ZDHHC15: variants seen among roughly 807,000 people sequenced by gnomAD.
ZDHHC15 encodes zDHHC palmitoyltransferase 15.
A neutral mutation model predicts 31.7 loss-of-function variants in ZDHHC15; 19 were observed. The observed-to-expected ratio is 0.60, with a 90% CI of 0.42 to 0.88. The LOEUF is 0.88. ZDHHC15 is among the 40% of genes least tolerant of loss of function. ZDHHC15 has a pLI of 0.00. For missense variants in ZDHHC15, 209 were observed against 251.2 expected (o/e 0.83, Z 1.14); for synonymous variants, 103 against 90.0 (o/e 1.14, Z -0.82).
At chrX:75,410,944 G>A (rs1174106861) in intron 10 of ZDHHC15, among the ~76,000 whole-genome samples, 1 of 111,901 alleles carries the variant, frequency 8.9e-6, no homozygotes, top group African/African-American at 3.2e-5. Flanking sequence ...GCAGCAACAT[G>A]GATGGAACTG....
At chrX:75,510,634 G>T (rs2148058701) in intron 1 of ZDHHC15, among the ~76,000 whole-genome samples, 1 of 90,841 alleles carries the variant, frequency 1.1e-5, no homozygotes, top group Non-Finnish European at 2.1e-5. Context: ...GTGCAGGTTA[G>T]TTACATATGT....
At chrX:75,479,802 G>A (rs759831507) in intron 2 of ZDHHC15, among the ~76,000 whole-genome samples, 37 of 111,575 alleles carry the variant, frequency 3.3e-4, no homozygotes, top group Non-Finnish European at 7.0e-4. Context: ...TTAAGATAAT[G>A]GCCTCCAGTT....
intron 10 of ZDHHC15, among the ~76,000 whole-genome samples, chrX:75,407,972 G>A (rs745854675): frequency 2.6e-3 from 287 of 110,490 alleles, no homozygotes; most frequent in South Asian, 0.016. Context: ...GATTAAGGGC[G>A]GTGCAAGATG....
chrX:75,434,027 C>A (rs1430294832), intron 4 of ZDHHC15, among the ~76,000 whole-genome samples: 1 of 111,523 alleles, frequency 9.0e-6, no homozygotes, highest in African/African-American at 3.3e-5. Context: ...TTTTAAATTA[C>A]GGCCATTCTT....
At chrX:75,421,769 G>A (rs1197862944) in intron 9 of ZDHHC15, 95 bp downstream of exon 9, 1 of 986,616 alleles carries the variant, frequency 1.0e-6, no homozygotes, top group East Asian at 3.2e-5. Context: ...GTTTCACACT[G>A]GACTGATACC....
At chrX:75,418,181 T>G (rs1025194212) in intron 9 of ZDHHC15, among the ~76,000 whole-genome samples, 1 of 111,791 alleles carries the variant, frequency 8.9e-6, no homozygotes, top group African/African-American at 3.3e-5. Flanking sequence ...CCCACTGACA[T>G]AGTTTTGCCT....
chrX:75,468,537 A>C (rs189804031), intron 3 of ZDHHC15, among the ~76,000 whole-genome samples: 1 of 111,952 alleles, frequency 8.9e-6, no homozygotes, highest in Non-Finnish European at 1.9e-5. Context: ...AGTTATGTAT[A>C]AGTACTTGTT....
intron 2 of ZDHHC15, among the ~76,000 whole-genome samples, chrX:75,504,796 G>A (rs1197750613): frequency 9.0e-6 from 1 of 111,420 alleles, no homozygotes; most frequent in Non-Finnish European, 1.9e-5. Flanking sequence ...TCATGCATAC[G>A]AATAAGAGGC....
At chrX:75,499,743 T>C (rs1226721587) in intron 2 of ZDHHC15, among the ~76,000 whole-genome samples, 1 of 111,991 alleles carries the variant, frequency 8.9e-6, no homozygotes, top group Non-Finnish European at 1.9e-5. Context: ...TGAAAGTAGA[T>C]CTACCATTTG....
At chrX:75,407,897 T>C (rs944354598) in intron 10 of ZDHHC15, among the ~76,000 whole-genome samples, 7 of 111,928 alleles carry the variant, frequency 6.3e-5, no homozygotes, top group African/African-American at 2.3e-4. Context: ...ATGCTGTTAA[T>C]CTATAACCTT....
At chrX:75,420,915 A>G (rs1175003909) in intron 9 of ZDHHC15, among the ~76,000 whole-genome samples, 1 of 110,747 alleles carries the variant, frequency 9.0e-6, no homozygotes, top group Non-Finnish European at 1.9e-5. Flanking sequence ...ACAAACCTGC[A>G]TGTTCTGCAC....
intron 1 of ZDHHC15, among the ~76,000 whole-genome samples, chrX:75,509,488 G>A (rs2085224783): frequency 8.9e-6 from 1 of 112,109 alleles, no homozygotes; most frequent in Non-Finnish European, 1.9e-5. Flanking sequence ...TGTGAAAGGA[G>A]AGTAGGAAGT....
chrX:75,520,181 A>C (rs900492951), intron 1 of ZDHHC15, among the ~76,000 whole-genome samples: 2 of 112,230 alleles, frequency 1.8e-5, no homozygotes, highest in Admixed American at 9.5e-5. Flanking sequence ...GTGTGTAGTC[A>C]CCTAGAAATA....
chrX:75,465,796 C>G (rs1338036167), intron 3 of ZDHHC15, among the ~76,000 whole-genome samples: 1 of 111,543 alleles, frequency 9.0e-6, no homozygotes. Context: ...TAAAAGTTAA[C>G]TCAAGATGGA....
chrX:75,491,932 C>A (rs12689148), intron 2 of ZDHHC15, among the ~76,000 whole-genome samples: 20,098 of 110,928 alleles, frequency 0.18, 1,970 homozygotes, highest in East Asian at 0.85. Flanking sequence ...ATAAAATTCA[C>A]ACATAACAAT....
chrX:75,502,017 G>A (rs2085095100), intron 2 of ZDHHC15: 1 of 111,629 alleles, frequency 9.0e-6, no homozygotes, highest in African/African-American at 3.2e-5. Flanking sequence ...TCTACACTTT[G>A]GATTTTCAAA....
chrX:75,483,026 T>A (rs868266872), intron 2 of ZDHHC15, among the ~76,000 whole-genome samples: 1 of 104,536 alleles, frequency 9.6e-6, no homozygotes, highest in Non-Finnish European at 1.9e-5. Flanking sequence ...TGTATATATA[T>A]ACACACACAT....
At chrX:75,476,316 C>T (rs1477323176) in intron 3 of ZDHHC15, among the ~76,000 whole-genome samples, 2 of 109,754 alleles carry the variant, frequency 1.8e-5, no homozygotes, top group Non-Finnish European at 3.8e-5. Flanking sequence ...TGATAGAATT[C>T]ATCTGTGAAG....
At chrX:75,466,713 A>G (rs757060709) in intron 3 of ZDHHC15, among the ~76,000 whole-genome samples, 14 of 111,612 alleles carry the variant, frequency 1.3e-4, no homozygotes, top group African/African-American at 4.6e-4. Context: ...TTATGTAGCC[A>G]TAAAATGGAA....
Sources: gnomAD v4.1 joint callset for allele counts (sites outside exome capture counted in the v4.1 genomes callset) on GRCh38, gnomAD v4.1.1 for gene constraint, MANE v1.5 for transcripts, NCBI Gene and HGNC (gene_info 2026-07-23, HGNC 2026-07-21) for gene names.